Variants in SCIN observed in about 807,000 individuals in gnomAD.
SCIN encodes adseverin.
Under a neutral mutation model 91.8 loss-of-function variants are expected in SCIN, and 91 were observed. That is an observed-to-expected ratio of 0.99 (90% CI 0.84 to 1.18). The LOEUF (loss-of-function observed/expected upper bound fraction) is 1.18, where lower values mean the gene tolerates loss of function less well. Ranked by LOEUF, SCIN falls within the 50% of genes most tolerant of loss-of-function variation. The pLI, the probability that SCIN is intolerant of heterozygous loss-of-function variation, is 0.00. For synonymous variants in SCIN, 367 were observed against 312.6 expected (o/e 1.17, Z -1.84); for missense variants, 1,087 against 863.9 (o/e 1.26, Z -3.24).
chr7:12,599,571 T>C, intron 3 of SCIN, among the ~76,000 whole-genome samples: 1 of 152,214 alleles, frequency 6.6e-6, no homozygotes, highest in East Asian at 1.9e-4. Flanking sequence ...GTAGATCTAC[T>C]TTTAGTTCAT....
intron 1 of SCIN, chr7:12,571,311 G>A: frequency 2.4e-6 from 1 of 412,584 alleles, no homozygotes; most frequent in Admixed American, 4.0e-5. Flanking sequence ...CTTGTCCAGG[G>A]CCGCTGCCTC....
chr7:12,583,744 T>A lies in SCIN; in HGVS notation c.516+2523T>A, dbSNP rs1382219197. Among the ~76,000 whole-genome samples, 9 of 152,258 alleles carry A rather than the reference T, an allele frequency of 5.9e-5. No individual in the cohort carries two copies. In the East Asian group the frequency reaches 1.7e-3, roughly 29 times the overall value. On this transcript the variant is annotated intron_variant, in intron 3 of 15. Coordinates refer to ENST00000297029, the MANE Select transcript of SCIN (RefSeq NM_001112706.3). ...GTAGTTCTTGTGCCGTATACTCTCT[T>A]CCCATAGTCAACCTGTGGGAGTATG...
chr7:12,645,138 G>T (rs1418351121), intron 13 of SCIN, among the ~76,000 whole-genome samples: 1 of 151,670 alleles, frequency 6.6e-6, no homozygotes, highest in Non-Finnish European at 1.5e-5. Flanking sequence ...GGCCAATATG[G>T]TGAAACCCCC....
intron 11 of SCIN, among the ~76,000 whole-genome samples, chr7:12,643,850 G>C (rs548135466): frequency 6.6e-6 from 1 of 152,160 alleles, no homozygotes; most frequent in East Asian, 1.9e-4. Context: ...ACACTTGTTT[G>C]ACAATTATAC....
At chr7:12,613,231 T>A (rs1004194703) in intron 4 of SCIN, among the ~76,000 whole-genome samples, 1 of 152,190 alleles carries the variant, frequency 6.6e-6, no homozygotes. Context: ...CTGTATTTTT[T>A]CAGTAATTTT....
intron 3 of SCIN, among the ~76,000 whole-genome samples, chr7:12,581,829 G>A (rs1316586973): frequency 6.6e-6 from 1 of 152,124 alleles, no homozygotes; most frequent in African/African-American, 2.4e-5. Context: ...TCATGACAAA[G>A]AAGCATTATT....
chr7:12,647,110 T>A (rs1479770167), intron 13 of SCIN, among the ~76,000 whole-genome samples: 1 of 152,168 alleles, frequency 6.6e-6, no homozygotes, highest in Admixed American at 6.5e-5. Flanking sequence ...ATAAATTAGT[T>A]GTTTGTTTCC....
rs745820414 is a variant in SCIN, at chr7:12,622,895, T to C, written c.759+2T>C. 6.2e-7 allele frequency: 1 copy of C among 1,602,980 alleles called. No homozygotes were observed. Among genetic ancestry groups the C allele is most frequent in the East Asian group, 2.2e-5 (1 of 44,718 alleles). ...AGGAAAATGGCTAAACTATACATGG[T>C]GAGTTCACTGTAACCAAATTTATTG... On this transcript the variant is annotated splice_donor_variant, in intron 5 of 15. Coordinates refer to ENST00000297029, the MANE Select transcript of SCIN (RefSeq NM_001112706.3). LOFTEE classifies it high-confidence loss of function.
chr7:12,633,792 C>A (rs113363570), intron 9 of SCIN, among the ~76,000 whole-genome samples: 1 of 152,170 alleles, frequency 6.6e-6, no homozygotes, highest in Non-Finnish European at 1.5e-5. Flanking sequence ...GGTGGCCCAT[C>A]ATCATGCAGC....
chr7:12,625,191 C>G (rs1359306814), intron 6 of SCIN, 49 bp downstream of exon 6: 2 of 1,480,364 alleles, frequency 1.4e-6, no homozygotes, highest in South Asian at 2.6e-5. Flanking sequence ...TAGATATTTC[C>G]TCTATAAGGG....
intron 1 of SCIN, among the ~76,000 whole-genome samples, chr7:12,577,289 T>A (rs1782392026): frequency 6.6e-6 from 1 of 152,162 alleles, no homozygotes; most frequent in Admixed American, 6.5e-5. Context: ...TTATATTCAT[T>A]TTCCCATTGT....
At chr7:12,623,211 A>C (rs533209079) in intron 5 of SCIN, among the ~76,000 whole-genome samples, 2 of 152,284 alleles carry the variant, frequency 1.3e-5, no homozygotes, top group South Asian at 2.1e-4. Context: ...ATGGAGTAAA[A>C]ATATTTTATC....
intron 8 of SCIN, among the ~76,000 whole-genome samples, chr7:12,627,012 C>T (rs1457928511): frequency 6.6e-6 from 1 of 151,856 alleles, no homozygotes; most frequent in Non-Finnish European, 1.5e-5. Context: ...ATCGCGTGAG[C>T]CTGGGAGGTG....
At chr7:12,607,816 T>C (rs891632927) in intron 4 of SCIN, among the ~76,000 whole-genome samples, 2 of 152,208 alleles carry the variant, frequency 1.3e-5, no homozygotes, top group African/African-American at 4.8e-5. Flanking sequence ...ATTAATTAAT[T>C]GAGCACCTAT....
intron 4 of SCIN, among the ~76,000 whole-genome samples, chr7:12,620,970 A>G (rs546098673): frequency 1.3e-5 from 2 of 152,140 alleles, no homozygotes. Context: ...GTCAAAATAT[A>G]TGTTATTTCA....
At chr7:12,628,046 T>C (rs879861541) in intron 8 of SCIN, among the ~76,000 whole-genome samples, 2,376 of 151,804 alleles carry the variant, frequency 0.016, 23 homozygotes, top group Middle Eastern at 0.027. Context: ...TGTGTGTGTG[T>C]GTGTGTGTGT....
At chr7:12,621,296 C>G (rs918517668) in intron 4 of SCIN, among the ~76,000 whole-genome samples, 2 of 152,152 alleles carry the variant, frequency 1.3e-5, no homozygotes, top group African/African-American at 2.4e-5. Context: ...TGGCATCTCT[C>G]TACCTCTGGA....
chr7:12,629,032 T>C lies in SCIN; in HGVS notation c.1198-69T>C, dbSNP rs1783588898. 5 of 1,306,132 alleles carry C rather than the reference T, an allele frequency of 3.8e-6. No individual in the cohort carries two copies. The African/African-American group carries it at 7.6e-5, about 20-fold the overall frequency. 80.9% of individuals were successfully genotyped at this position (1,306,132 alleles called of 1,614,324 possible). A position where few individuals can be genotyped will look rare whatever the true frequency, so the allele number is the denominator to read the frequency against. ...TAATGGATTTGAACCAAAAATTATT[T>C]AAAGCTTATGAGAAATATTATTAGA... On this transcript the variant is annotated intron_variant, in intron 8 of 15. Coordinates refer to ENST00000297029, the MANE Select transcript of SCIN (RefSeq NM_001112706.3).
chr7:12,613,046 G>T (rs776556116), intron 4 of SCIN, among the ~76,000 whole-genome samples: 1 of 152,126 alleles, frequency 6.6e-6, no homozygotes, highest in East Asian at 1.9e-4. Context: ...GCAGTTCCAA[G>T]ACAGATGGAT....
Sources: gnomAD v4.1 joint callset for allele counts (sites outside exome capture counted in the v4.1 genomes callset) on GRCh38, gnomAD v4.1.1 for gene constraint, MANE v1.5 for transcripts, NCBI Gene and HGNC (gene_info 2026-07-23, HGNC 2026-07-21) for gene names.